Variants in SYT9 observed in about 807,000 individuals in gnomAD.
SYT9 encodes synaptotagmin 9.
SYT9 carries 22 observed loss-of-function variants against 48.4 expected under a neutral mutation model. The observed-to-expected ratio is 0.45, with a 90% CI of 0.32 to 0.65. SYT9 has a LOEUF of 0.65. SYT9 is among the 30% of genes least tolerant of loss of function. The pLI, the probability that SYT9 is intolerant of heterozygous loss-of-function variation, is 0.03. For synonymous variants in SYT9, 265 were observed against 245.0 expected, an observed-to-expected ratio of 1.08 and a Z score of -0.76; for missense variants, 577 against 622.0, an observed-to-expected ratio of 0.93 and a Z score of 0.77.
chr11:7,283,079 C>T (rs961414201), intron 1 of SYT9, among the ~76,000 whole-genome samples: 1 of 149,226 alleles, frequency 6.7e-6, no homozygotes, highest in African/African-American at 2.5e-5. Context: ...CTGATAATTC[C>T]CACTATTCTG....
chr11:7,294,293 A>G (rs1288478062), intron 1 of SYT9, among the ~76,000 whole-genome samples: 1 of 152,176 alleles, frequency 6.6e-6, no homozygotes, highest in Non-Finnish European at 1.5e-5. Context: ...TAGCCACCCA[A>G]AATCTATGTC....
intron 6 of SYT9, among the ~76,000 whole-genome samples, chr11:7,458,640 G>A (rs1026563063): frequency 6.6e-6 from 1 of 152,162 alleles, no homozygotes; most frequent in African/African-American, 2.4e-5. Context: ...AAGGAGGTGA[G>A]GGAGCAAGCC....
intron 3 of SYT9, among the ~76,000 whole-genome samples, chr11:7,414,627 C>G (rs1437409588): frequency 1.3e-5 from 2 of 149,478 alleles, no homozygotes; most frequent in Non-Finnish European, 2.9e-5. Flanking sequence ...GGTCATGGCT[C>G]CAGGAACCAG....
chr11:7,457,094 AT>A (rs1848161170), intron 6 of SYT9: 1 of 152,118 alleles, frequency 6.6e-6, no homozygotes, highest in African/African-American at 2.4e-5. Context: ...TCTCCTCCTT[AT>A]ACTTTATGTT....
intron 1 of SYT9, among the ~76,000 whole-genome samples, chr11:7,277,396 C>T (rs756372869): frequency 2.9e-4 from 44 of 152,130 alleles, no homozygotes; most frequent in Admixed American, 5.9e-4. Context: ...TGCATTGTTG[C>T]TTTTCAGCAA....
intron 3 of SYT9, among the ~76,000 whole-genome samples, chr11:7,403,383 C>G (rs1463742651): frequency 2.6e-5 from 4 of 152,036 alleles, no homozygotes; most frequent in African/African-American, 9.7e-5. Flanking sequence ...GACTCCATCT[C>G]TACAAAAAAA....
At position 7,334,668 on chromosome 11, in the gene SYT9, G is replaced by T. The variant is rs576668266; in HGVS notation, c.1044+20727G>T. Among the ~76,000 whole-genome samples, 274 of 35,192 alleles carry T rather than the reference G, an allele frequency of 7.8e-3. 2 individuals carry two copies. The highest frequency in any genetic ancestry group is 0.017 in the African/African-American group (265 of 15,392). The allele number at this position is 35,192 out of a possible 152,430, so 23.1% of individuals were successfully genotyped here. ...ACCCATCCCCCCAATCCCCAGGCAGGTGTTGATCTGTTTTGTCACACTACA... is the reference window on the plus strand; with the variant it reads ...ACCCATCCCCCCAATCCCCAGGCAGTTGTTGATCTGTTTTGTCACACTACA... On this transcript the variant is annotated intron_variant, in intron 3 of 6. Coordinates refer to ENST00000318881, the MANE Select transcript of SYT9 (RefSeq NM_175733.4).
chr11:7,257,135 A>T (rs1196784200), intron 1 of SYT9, among the ~76,000 whole-genome samples: 2 of 152,194 alleles, frequency 1.3e-5, no homozygotes, highest in Admixed American at 6.5e-5. Context: ...CAAGTAGAGA[A>T]CAACCTTTGA....
rs546886044 is a variant in SYT9, at chr11:7,420,382, G to GA, written c.1338-118dup. 545 of 1,307,066 alleles carry GA rather than the reference G, an allele frequency of 4.2e-4. 3 individuals carry two copies. The East Asian group carries it at 7.2e-3, about 17-fold the overall frequency. The allele number at this position is 1,307,066 out of a possible 1,614,324, so 81.0% of individuals were successfully genotyped here. A position where few individuals can be genotyped will look rare whatever the true frequency, so the allele number is the denominator to read the frequency against. ...AGCCTGTAGTTTTAAGTGAGGAAAT[G>GA]AAAAAACAAACAAACAAACAAACAA... On this transcript the variant is annotated intron_variant, in intron 5 of 6. Transcript: ENST00000318881.
intron 1 of SYT9, among the ~76,000 whole-genome samples, chr11:7,292,898 G>A (rs1848718858): frequency 1.3e-5 from 2 of 152,212 alleles, no homozygotes; most frequent in African/African-American, 4.8e-5. Context: ...CAGAAACCCA[G>A]TAGCAAACCT....
intron 3 of SYT9, among the ~76,000 whole-genome samples, chr11:7,384,838 C>T (rs1365168795): frequency 6.6e-6 from 1 of 152,124 alleles, no homozygotes; most frequent in Non-Finnish European, 1.5e-5. Context: ...TCTCACTATA[C>T]TCCAGCTACA....
upstream of SYT9, among the ~76,000 whole-genome samples, chr11:7,249,181 G>T (rs961121506): frequency 6.6e-6 from 1 of 152,116 alleles, no homozygotes; most frequent in East Asian, 1.9e-4. Flanking sequence ...AGAATTTACA[G>T]TTCACTCTAT....
chr11:7,460,154 C>A (rs1216832645), intron 6 of SYT9, among the ~76,000 whole-genome samples: 2 of 152,176 alleles, frequency 1.3e-5, no homozygotes, highest in Admixed American at 1.3e-4. Flanking sequence ...ATAGTACATA[C>A]CAAATTCTAC....
At chr11:7,240,471 A>G (rs1336448670) in intron 1 of SYT9, among the ~76,000 whole-genome samples, 1 of 152,226 alleles carries the variant, frequency 6.6e-6, no homozygotes, top group Non-Finnish European at 1.5e-5. Flanking sequence ...TGAATAATAT[A>G]TGCAAGACAT....
chr11:7,258,563 G>GA (rs900135836), intron 1 of SYT9, among the ~76,000 whole-genome samples: 12 of 150,738 alleles, frequency 8.0e-5, no homozygotes, highest in South Asian at 2.1e-4. Flanking sequence ...GCACTTGAAA[G>GA]AAAAAAAAAT....
chr11:7,379,311 A>C (rs557577909), intron 3 of SYT9, among the ~76,000 whole-genome samples: 1 of 152,244 alleles, frequency 6.6e-6, no homozygotes. Context: ...CAGTACCCCA[A>C]ATTCCTGTGT....
At chr11:7,405,730 G>A (rs1846995397) in intron 3 of SYT9, among the ~76,000 whole-genome samples, 1 of 152,132 alleles carries the variant, frequency 6.6e-6, no homozygotes, top group African/African-American at 2.4e-5. Flanking sequence ...GGAAATGAAT[G>A]ACATAGGCTA....
chr11:7,461,770 G>A (rs55805229), intron 6 of SYT9, among the ~76,000 whole-genome samples: 49,557 of 152,148 alleles, frequency 0.33, 9,337 homozygotes, highest in African/African-American at 0.52. Flanking sequence ...TGAAGTAACA[G>A]ACTCCAAACA....
chr11:7,336,870 T>C (rs1464478049), intron 3 of SYT9, among the ~76,000 whole-genome samples: 1 of 152,230 alleles, frequency 6.6e-6, no homozygotes, highest in Non-Finnish European at 1.5e-5. Flanking sequence ...AAATAGTTTC[T>C]GCTAGTTATG....
Sources: allele counts gnomAD v4.1 joint callset (sites outside exome capture counted in the v4.1 genomes callset), GRCh38; gene constraint gnomAD v4.1.1; transcripts MANE v1.5; gene names NCBI Gene and HGNC (gene_info 2026-07-23, HGNC 2026-07-21).